The following PSMD9 variants were observed in gnomAD, a reference collection of about 807,000 sequenced individuals.
The protein encoded by PSMD9 is 26S proteasome non-ATPase regulatory subunit 9.
In PSMD9, 26 loss-of-function variants were observed where a neutral mutation model predicts 25.9. The observed-to-expected ratio is 1.00, with a 90% CI of 0.73 to 1.39. The LOEUF is 1.39. PSMD9 is among the 40% of genes most tolerant of loss of function. The pLI is 0.00. For synonymous variants in PSMD9, 110 were observed against 114.5 expected (o/e 0.96, Z 0.25); for missense variants, 303 against 299.3 (o/e 1.01, Z -0.09).
intron 4 of PSMD9, among the ~76,000 whole-genome samples, chr12:121,906,996 G>A (rs185852477): frequency 1.1e-4 from 16 of 150,930 alleles, no homozygotes; most frequent in African/African-American, 3.9e-4. Flanking sequence ...AAAACTCACA[G>A]TGTTCTATTG....
At chr12:121,896,524 TTA>T (rs1491036524) in intron 2 of PSMD9, among the ~76,000 whole-genome samples, 1 of 150,702 alleles carries the variant, frequency 6.6e-6, no homozygotes, top group Non-Finnish European at 1.5e-5. Flanking sequence ...TAAAGAACAG[TTA>T]TAGATTTACA....
Position 121,903,112 on chromosome 12 carries a change from GTGGGGCTACC to G in PSMD9, c.555+9_555+18del. On this transcript the variant is annotated splice_donor_region_variant and intron_variant, in intron 4 of 5. Transcript: ENST00000541212. ...GTGGTGCAGCACAGTGAGGGGGTGA[GTGGGGCTACC>G]TGGTGTCTCGGTCTGTTTGGGTTTT... 2 of 1,611,722 alleles carry G rather than the reference GTGGGGCTACC, an allele frequency of 1.2e-6. No individual in the cohort carries two copies. The highest frequency in any genetic ancestry group is 1.7e-6 in the Non-Finnish European group (2 of 1,177,986).
chr12:121,907,304 A>G (rs1344962281), intron 4 of PSMD9, among the ~76,000 whole-genome samples: 1 of 151,756 alleles, frequency 6.6e-6, no homozygotes, highest in Non-Finnish European at 1.5e-5. Flanking sequence ...TCCTGACCTC[A>G]GGTGATCTGC....
At chr12:121,895,634 A>G (rs896824278) in intron 2 of PSMD9, among the ~76,000 whole-genome samples, 3 of 152,146 alleles carry the variant, frequency 2.0e-5, no homozygotes, top group African/African-American at 7.2e-5. Context: ...GGCTTCGTCC[A>G]TCTACACAGC....
intron 4 of PSMD9, chr12:121,910,886 T>C: frequency 2.2e-6 from 1 of 452,836 alleles, no homozygotes; most frequent in Admixed American, 2.4e-5. Context: ...TTCACCCTCC[T>C]AAACTGAAAC....
intron 4 of PSMD9, among the ~76,000 whole-genome samples, chr12:121,911,558 C>T (rs74240728): frequency 0.059 from 9,047 of 152,118 alleles, 511 homozygotes; most frequent in East Asian, 0.21. Context: ...CAAATCTCTG[C>T]TTTCATTTCT....
intron 2 of PSMD9, among the ~76,000 whole-genome samples, chr12:121,896,801 A>C (rs1358843819): frequency 6.7e-6 from 1 of 148,244 alleles, no homozygotes; most frequent in African/African-American, 2.5e-5. Flanking sequence ...GTGCCATTGC[A>C]CTCCAGCCTG....
chr12:121,893,255 G>A (rs1164183556), intron 1 of PSMD9, among the ~76,000 whole-genome samples: 3 of 152,168 alleles, frequency 2.0e-5, no homozygotes, highest in Non-Finnish European at 2.9e-5. Flanking sequence ...GCAGTGTCAC[G>A]GCGAGTCCTG....
In PSMD9 at chr12:121,894,741, A is replaced by G. The variant is rs1468939846; in HGVS notation, c.141A>G (p.Gln47=). Residue 47 remains glutamine, a splice_region_variant and synonymous_variant, in exon 2 of 6, where the codon CAA becomes CAG. Transcript: ENST00000541212. ...TTAACCACGTTTCTTTCCTCCAGCAAAAAGGCATTGGGATGAACGAGCCGC... is the reference window on the plus strand; with the variant it reads ...TTAACCACGTTTCTTTCCTCCAGCAGAAAGGCATTGGGATGAACGAGCCGC... The part of the protein sequence containing the change: ...IKANYDVLES[Q]KGIGMNEPLV... The G allele has an allele frequency of 5.0e-6, 8 of 1,613,882 alleles. No homozygotes were observed. The highest frequency in any genetic ancestry group is 1.3e-5 in the African/African-American group (1 of 74,912).
intron 3 of PSMD9, 66 bp downstream of exon 3, chr12:121,899,911 G>A (rs533779165): frequency 6.4e-7 from 1 of 1,559,154 alleles, no homozygotes; most frequent in South Asian, 1.1e-5. Context: ...AGCCTTCGGG[G>A]ATGTGGAAAG....
rs78964574 is a variant in PSMD9 at position 121,910,548 on chromosome 12, G to T, written c.556-5308G>T. 1.3e-3 allele frequency among the ~76,000 whole-genome samples: 195 copies of T among 151,768 alleles called. 5 individuals carry two copies. The East Asian group carries it at 0.036, about 28-fold the overall frequency. ...AGGCCAAGGTGGGCGGATCACCTGA[G>T]GTCAGGAGCTGGAGACCAGCCTGCC... On this transcript the variant is annotated intron_variant, in intron 4 of 5. Coordinates refer to ENST00000541212, the MANE Select transcript of PSMD9 (RefSeq NM_002813.7).
Position 121,893,372 on chromosome 12 carries a change from TCTC to T in PSMD9, c.139-1366_139-1364del, listed in dbSNP as rs141342053. On this transcript the variant is annotated intron_variant, in intron 1 of 5. Coordinates refer to ENST00000541212, the MANE Select transcript of PSMD9 (RefSeq NM_002813.7). ...GGAGCAAAATGAATGGAATCCCTCT[TCTC>T]AGTGCCTGTGTACACTGGCAGCTTG... 5.9e-3 allele frequency among the ~76,000 whole-genome samples: 897 copies of T among 152,320 alleles called. 8 individuals are homozygous for T. Among genetic ancestry groups the T allele is most frequent in the African/African-American group, 0.02 (837 of 41,576 alleles).
At chr12:121,910,082 A>ATT (rs1159648546) in intron 4 of PSMD9, among the ~76,000 whole-genome samples, 3 of 48,364 alleles carry the variant, frequency 6.2e-5, no homozygotes, top group African/African-American at 8.4e-5. Flanking sequence ...GTAGGAAATG[A>ATT]CTTTTTTTTT....
intron 2 of PSMD9, among the ~76,000 whole-genome samples, chr12:121,896,099 G>A (rs1879220383): frequency 6.7e-6 from 1 of 148,958 alleles, no homozygotes; most frequent in Non-Finnish European, 1.5e-5. Flanking sequence ...TCCACCTCCC[G>A]AGTGACAGAG....
chr12:121,889,418 G>A (rs578119556), intron 1 of PSMD9, among the ~76,000 whole-genome samples: 1 of 152,184 alleles, frequency 6.6e-6, no homozygotes, highest in African/African-American at 2.4e-5. Context: ...GAGTCTCACT[G>A]TGTTGCCCAG....
chr12:121,913,420 G>A (rs971780630), intron 4 of PSMD9, among the ~76,000 whole-genome samples: 5 of 151,602 alleles, frequency 3.3e-5, no homozygotes, highest in African/African-American at 9.7e-5. Context: ...TGATGTTGAG[G>A]TATAGGAGTT....
chr12:121,896,859 G>C (rs979134493), intron 2 of PSMD9, among the ~76,000 whole-genome samples: 326 of 145,262 alleles, frequency 2.2e-3, no homozygotes, highest in African/African-American at 7.5e-3. Flanking sequence ...AAAAAGAAAA[G>C]AAAAAAAAAT....
At chr12:121,916,245 C>T (rs1592953146) in intron 5 of PSMD9, 39 bp from the exon 6 acceptor site, 1 of 1,612,880 alleles carries the variant, frequency 6.2e-7, no homozygotes, top group Non-Finnish European at 8.5e-7. Flanking sequence ...CTGAAGGGAG[C>T]CTCCAAACTT....
chr12:121,912,941 T>C (rs1447039684), intron 4 of PSMD9, among the ~76,000 whole-genome samples: 1 of 133,500 alleles, frequency 7.5e-6, no homozygotes, highest in Non-Finnish European at 1.5e-5. Flanking sequence ...TTTCTTTTCT[T>C]TTTTTTTTTT....
Sources: allele counts gnomAD v4.1 joint callset (sites outside exome capture counted in the v4.1 genomes callset), GRCh38; gene constraint gnomAD v4.1.1; transcripts MANE v1.5; gene names NCBI Gene and HGNC (gene_info 2026-07-23, HGNC 2026-07-21).